WDR35: variants seen among roughly 807,000 people sequenced by gnomAD.
WDR35 encodes WD repeat domain 35, also known as WD repeat-containing protein 35.
WDR35 carries 118 observed loss-of-function variants against 158.3 expected under a neutral mutation model. The ratio of observed to expected loss-of-function variants is 0.75; its 90% CI spans 0.64 to 0.87. The LOEUF is 0.87. Ranked by LOEUF, WDR35 falls within the 40% of genes least tolerant of loss-of-function variation. The pLI is 0.00. For synonymous variants in WDR35, 448 were observed against 476.1 expected (o/e 0.94, Z 0.77); for missense variants, 1,263 against 1,405.8 (o/e 0.90, Z 1.62).
intron 12 of WDR35, among the ~76,000 whole-genome samples, chr2:19,953,456 C>A (rs1219220977): frequency 2.0e-5 from 3 of 152,132 alleles, no homozygotes; most frequent in African/African-American, 7.2e-5. Context: ...TTGGAATCAC[C>A]CCACCCTCTT....
At chr2:19,970,532 C>T (rs1226161988) in intron 8 of WDR35, among the ~76,000 whole-genome samples, 1 of 152,206 alleles carries the variant, frequency 6.6e-6, no homozygotes, top group African/African-American at 2.4e-5. Flanking sequence ...GAACACAGAT[C>T]TAATCATAAC....
intron 25 of WDR35, among the ~76,000 whole-genome samples, chr2:19,915,097 C>CTTAATATTAGATTTAATATTAAGAT (rs201900908): frequency 2.6e-5 from 4 of 151,942 alleles, no homozygotes; most frequent in Non-Finnish European, 4.4e-5. Flanking sequence ...AAAAAGCAGA[C>CTTAATATTAGATTTAATATTAAGAT]TTAATATTAG....
chr2:19,937,694 A>G (rs1363075913), intron 19 of WDR35, 49 bp downstream of exon 19: 3 of 1,610,626 alleles, frequency 1.9e-6, no homozygotes, highest in East Asian at 2.2e-5. Context: ...AAAAAATACA[A>G]TGATGAACTG....
intron 2 of WDR35, 93 bp downstream of exon 2, chr2:19,989,072 G>A: frequency 9.1e-7 from 1 of 1,098,412 alleles, no homozygotes; most frequent in South Asian, 1.2e-5. Context: ...AAAATAATCA[G>A]AACTGCATAT....
rs1240833755 is a variant in WDR35, at chr2:19,934,839, T to C, written c.2547+632A>G. 2.6e-5 allele frequency among the ~76,000 whole-genome samples: 4 copies of C among 152,170 alleles called. No homozygotes were observed. The highest frequency in any genetic ancestry group is 2.6e-4 in the Admixed American group (4 of 15,266). On this transcript the variant is annotated intron_variant, in intron 21 of 26. Coordinates refer to ENST00000281405, the MANE Select transcript of WDR35 (RefSeq NM_020779.4). This position sits in a 1 kb window ranked among gnomAD's most constrained non-coding sequence, Gnocchi z 4.6. ...AATTCTATACTTATCTATTAACTAA[T>C]AGGCAAAATTTTTGAAGCAGAACTC...
chr2:19,914,384 G>A (rs944868721), intron 25 of WDR35, 107 bp from the exon 26 acceptor site: 17 of 1,431,364 alleles, frequency 1.2e-5, no homozygotes, highest in Admixed American at 7.0e-5. Context: ...TTGCATGAAC[G>A]AACTGAAAGC....
chr2:19,942,152 C>T (rs1316879178), intron 16 of WDR35, among the ~76,000 whole-genome samples: 1 of 152,172 alleles, frequency 6.6e-6, no homozygotes, highest in Non-Finnish European at 1.5e-5. Flanking sequence ...TCACACCTTA[C>T]ATAATTAATG....
chr2:19,924,967 T>A (rs1467880313), intron 25 of WDR35, among the ~76,000 whole-genome samples: 1 of 152,186 alleles, frequency 6.6e-6, no homozygotes, highest in Admixed American at 6.5e-5. Context: ...TTAATAAAGA[T>A]GGGAACCTGA....
intron 12 of WDR35, among the ~76,000 whole-genome samples, chr2:19,953,440 C>CT (rs1671314351): frequency 6.6e-6 from 1 of 152,204 alleles, no homozygotes; most frequent in Non-Finnish European, 1.5e-5. Flanking sequence ...CCTCTGGTCA[C>CT]TGATATTGGA....
At chr2:19,929,757 T>C (rs939376246) in intron 25 of WDR35, among the ~76,000 whole-genome samples, 1 of 152,114 alleles carries the variant, frequency 6.6e-6, no homozygotes, top group Non-Finnish European at 1.5e-5. Flanking sequence ...TGTAGAAACA[T>C]CTAAAAGGAA....
chr2:19,975,646 T>C lies in WDR35; in HGVS notation c.454A>G (p.Lys152Glu). The C allele has an allele frequency of 6.2e-7, 1 of 1,614,072 alleles. No individual in the cohort carries two copies. Among genetic ancestry groups the C allele is most frequent in the Non-Finnish European group, 8.5e-7 (1 of 1,179,964 alleles). Reference sequence around the variant, plus strand: ...GATAGCTGTATACCCTTCAGGTCTTTTCCCCAAATACGATTGCCTAAAACA... The same window carrying C: ...GATAGCTGTATACCCTTCAGGTCTTCTCCCCAAATACGATTGCCTAAAACA... The part of the protein sequence containing the change: ...GSVDGNRIWG[K>E]DLKGIQLSHV... Residue 152 changes from lysine (K) to glutamate (E), a missense_variant, in exon 6 of 27, where the codon AAA becomes GAA. Coordinates refer to ENST00000281405, the MANE Select transcript of WDR35 (RefSeq NM_020779.4).
chr2:19,966,750 T>A lies in WDR35; in HGVS notation c.1168A>T (p.Thr390Ser). 1 of 1,613,946 alleles carries A rather than the reference T, an allele frequency of 6.2e-7. No individual in the cohort carries two copies. The highest frequency in any genetic ancestry group is 8.5e-7 in the Non-Finnish European group (1 of 1,179,920). ...TTCGDFCILA[T>S]KADENHPQFV... Reference sequence around the variant, plus strand: ...TGAGGATGATTTTCATCAGCTTTTGTAGCCAAAATGCAGAAATCTCCACAG... The same window carrying A: ...TGAGGATGATTTTCATCAGCTTTTGAAGCCAAAATGCAGAAATCTCCACAG... The change falls in exon 10 of 27, where the codon ACA becomes TCA. Residue 390 changes from threonine (T) to serine (S), a missense_variant. Transcript: ENST00000281405.
At chr2:19,927,049 G>A (rs1200973334) in intron 25 of WDR35, among the ~76,000 whole-genome samples, 1 of 152,120 alleles carries the variant, frequency 6.6e-6, no homozygotes, top group African/African-American at 2.4e-5. Context: ...GAGGAAAGTG[G>A]GACAACCAGT....
intron 10 of WDR35, among the ~76,000 whole-genome samples, chr2:19,963,318 C>A (rs1266569261): frequency 6.6e-6 from 1 of 152,142 alleles, no homozygotes; most frequent in Non-Finnish European, 1.5e-5. Context: ...TCAAGTGTAT[C>A]ATGATTTATT....
At chr2:19,974,922 A>AT (rs1411702138) in intron 6 of WDR35, among the ~76,000 whole-genome samples, 7 of 152,310 alleles carry the variant, frequency 4.6e-5, no homozygotes, top group Admixed American at 4.6e-4. Flanking sequence ...AAAGTTCATT[A>AT]TTTTACTTCC....
At position 19,966,753 on chromosome 2, in the gene WDR35, C is replaced by A. The variant is rs1204827696; in HGVS notation, c.1165G>T (p.Ala389Ser). The A allele has an allele frequency of 6.8e-6, 11 of 1,613,762 alleles. No individual in the cohort carries two copies. Among genetic ancestry groups the A allele is most frequent in the Non-Finnish European group, 9.3e-6 (11 of 1,179,916 alleles). ...ITTCGDFCIL[A>S]TKADENHPQF... is the part of the protein sequence containing the mutation. The stretch of plus-strand genomic sequence containing the variant: ...GGATGATTTTCATCAGCTTTTGTAG[C>A]CAAAATGCAGAAATCTCCACAGGTA... Residue 389 changes from alanine (A) to serine (S), a missense_variant, in exon 10 of 27, where the codon GCT becomes TCT. Physicochemically the swap from Ala to Ser is moderately conservative, Grantham distance 99. Coordinates refer to ENST00000281405, the MANE Select transcript of WDR35 (RefSeq NM_020779.4).
In WDR35 at chr2:19,960,612, A is replaced by C. The variant is rs1671616906; in HGVS notation, c.1197T>G (p.Phe399Leu). Residue 399 changes from phenylalanine to leucine, a missense_variant and splice_region_variant, in exon 11 of 27, where the codon TTT becomes TTG. Transcript: ENST00000281405. ...ATKADENHPQ[F>L]VLVLCNSIGT... Reference sequence around the variant, plus strand: ...CAATAGAATTACAAAGAACTAGTACAAACTGTGAACAAATAAAACAAAAAG... The same window carrying C: ...CAATAGAATTACAAAGAACTAGTACCAACTGTGAACAAATAAAACAAAAAG... The C allele has an allele frequency of 1.2e-6, 2 of 1,607,816 alleles. No individual in the cohort carries two copies. Among genetic ancestry groups the C allele is most frequent in the East Asian group, 4.5e-5 (2 of 44,678 alleles).
At chr2:19,978,620 T>C in intron 5 of WDR35, 131 bp downstream of exon 5, 1 of 1,344,786 alleles carries the variant, frequency 7.4e-7, no homozygotes. Context: ...TCAAATTGTA[T>C]ATCAAATAGT....
intron 8 of WDR35, among the ~76,000 whole-genome samples, chr2:19,969,867 C>A (rs1671981376): frequency 6.6e-6 from 1 of 151,874 alleles, no homozygotes; most frequent in Admixed American, 6.6e-5. Flanking sequence ...CCTGCCTCAG[C>A]CTCCTGAGTA....
Sources: allele counts gnomAD v4.1 joint callset (sites outside exome capture counted in the v4.1 genomes callset), GRCh38; gene constraint gnomAD v4.1.1; non-coding constraint Gnocchi (gnomAD v3.1); transcripts MANE v1.5; gene names NCBI Gene and HGNC (gene_info 2026-07-23, HGNC 2026-07-21).